Variants in CRPPA observed in about 807,000 individuals in gnomAD.
The protein encoded by CRPPA is CDP-L-ribitol pyrophosphorylase A.
CRPPA carries 43 observed loss-of-function variants against 52.0 expected under a neutral mutation model. The observed-to-expected ratio is 0.83, with a 90% CI of 0.65 to 1.07. The LOEUF (loss-of-function observed/expected upper bound fraction) is 1.07, where lower values mean the gene tolerates loss of function less well. Ranked by LOEUF, CRPPA falls within the 50% of genes least tolerant of loss-of-function variation. The probability of loss-of-function intolerance (pLI) is 0.00; values close to 1 mark genes in which losing one functional copy is unlikely to be tolerated. For synonymous variants in CRPPA, 250 were observed against 203.5 expected, an observed-to-expected ratio of 1.23 and a Z score of -1.94; for missense variants, 629 against 551.7, an observed-to-expected ratio of 1.14 and a Z score of -1.40.
At chr7:16,384,805 T>C (rs568107647) in intron 2 of CRPPA, among the ~76,000 whole-genome samples, 5 of 151,212 alleles carry the variant, frequency 3.3e-5, no homozygotes, top group African/African-American at 1.2e-4. Context: ...CCTCCAGGGA[T>C]GGGGTGGGAG....
At chr7:16,126,817 CATGA>C (rs1195468968) in intron 9 of CRPPA, among the ~76,000 whole-genome samples, 1 of 152,032 alleles carries the variant, frequency 6.6e-6, no homozygotes, top group Non-Finnish European at 1.5e-5. Context: ...TGATAACTTA[CATGA>C]TGTGCTTATG....
chr7:16,307,992 T>G (rs925273917), intron 4 of CRPPA, among the ~76,000 whole-genome samples: 19 of 151,486 alleles, frequency 1.3e-4, no homozygotes, highest in African/African-American at 4.4e-4. Context: ...AATTGTAAGC[T>G]CTAACCATGG....
intron 8 of CRPPA, among the ~76,000 whole-genome samples, chr7:16,226,638 C>G (rs1782658371): frequency 6.6e-6 from 1 of 151,802 alleles, no homozygotes; most frequent in Non-Finnish European, 1.5e-5. Context: ...GTCATAGCCT[C>G]AGTTAGATAG....
intron 3 of CRPPA, among the ~76,000 whole-genome samples, chr7:16,367,649 A>G (rs902089362): frequency 6.6e-6 from 1 of 152,206 alleles, no homozygotes; most frequent in Admixed American, 6.5e-5. Flanking sequence ...TGACAGTACG[A>G]GATACAAGTC....
chr7:16,308,704 C>G lies in CRPPA; in HGVS notation c.685-77G>C, dbSNP rs1321262526. ...AAAACCAAGCCTTTTATTTCATAAT[C>G]CATTGCAAACAAAGGAAGGGCCTAG... On this transcript the variant is annotated intron_variant, in intron 3 of 9. Transcript: ENST00000407010. 2.5e-4 allele frequency: 216 copies of G among 866,992 alleles called. 2 individuals carry two copies. Among genetic ancestry groups the G allele is most frequent in the Non-Finnish European group, 1.9e-5 (10 of 528,064 alleles). 53.7% of individuals were successfully genotyped at this position (866,992 alleles called of 1,614,324 possible). A position where few individuals can be genotyped will look rare whatever the true frequency, so the allele number is the denominator to read the frequency against.
Position 16,332,059 on chromosome 7 carries a change from G to T in CRPPA, c.685-23432C>A, listed in dbSNP as rs546805032. Among the ~76,000 whole-genome samples, 14 of 152,232 alleles carry T rather than the reference G, an allele frequency of 9.2e-5. No individual in the cohort carries two copies. In the South Asian group the frequency reaches 2.9e-3, roughly 32 times the overall value. ...ATTATACTCAAACTACAGAAAATCAGAAAGAAGCCAGGGGAATCAACACCT... is the reference window on the plus strand; with the variant it reads ...ATTATACTCAAACTACAGAAAATCATAAAGAAGCCAGGGGAATCAACACCT... On this transcript the variant is annotated intron_variant, in intron 3 of 9. Transcript: ENST00000407010.
At chr7:16,400,692 C>G (rs2128317397) in intron 2 of CRPPA, among the ~76,000 whole-genome samples, 2 of 152,300 alleles carry the variant, frequency 1.3e-5, no homozygotes, top group Middle Eastern at 3.4e-3. Flanking sequence ...ACATAACCAA[C>G]TCGTGTATGA....
intron 2 of CRPPA, among the ~76,000 whole-genome samples, chr7:16,402,572 C>T (rs183013996): frequency 1.8e-4 from 27 of 152,068 alleles, no homozygotes; most frequent in African/African-American, 6.5e-4. Flanking sequence ...ATGTTCAGAG[C>T]TTAAAAGGCA....
chr7:16,231,928 A>G (rs913561575), intron 8 of CRPPA, among the ~76,000 whole-genome samples: 1 of 152,220 alleles, frequency 6.6e-6, no homozygotes, highest in African/African-American at 2.4e-5. Flanking sequence ...GTTTCAGGAC[A>G]TGGTACATGG....
At chr7:16,305,069 T>C (rs952471957) in intron 4 of CRPPA, among the ~76,000 whole-genome samples, 1 of 152,182 alleles carries the variant, frequency 6.6e-6, no homozygotes, top group African/African-American at 2.4e-5. Context: ...ATAAACTCCA[T>C]TGTTGTGTAA....
intron 6 of CRPPA, among the ~76,000 whole-genome samples, chr7:16,267,782 T>C (rs1783991907): frequency 6.6e-6 from 1 of 152,174 alleles, no homozygotes; most frequent in Non-Finnish European, 1.5e-5. Context: ...CAGAATCTGT[T>C]GGTTCCACAG....
chr7:16,111,079 ACAAAG>A (rs750673435), intron 9 of CRPPA, among the ~76,000 whole-genome samples: 2 of 152,138 alleles, frequency 1.3e-5, no homozygotes, highest in Non-Finnish European at 2.9e-5. Context: ...TGGCAAGAAA[ACAAAG>A]CAAACAATTA....
At chr7:16,390,286 T>C (rs1787408960) in intron 2 of CRPPA, among the ~76,000 whole-genome samples, 1 of 152,108 alleles carries the variant, frequency 6.6e-6, no homozygotes. Flanking sequence ...TTTCGATATA[T>C]ATCTTCTTCC....
chr7:16,191,015 T>A (rs1258986044), intron 9 of CRPPA, among the ~76,000 whole-genome samples: 1 of 152,150 alleles, frequency 6.6e-6, no homozygotes, highest in Admixed American at 6.6e-5. Context: ...CACATTTTCT[T>A]TACCCACTCA....
chr7:16,386,520 T>C (rs112805420), intron 2 of CRPPA, among the ~76,000 whole-genome samples: 20 of 152,324 alleles, frequency 1.3e-4, no homozygotes, highest in African/African-American at 4.8e-4. Context: ...CCTATCTGTA[T>C]AAATTATATT....
chr7:16,272,905 T>C (rs991432199), intron 6 of CRPPA, among the ~76,000 whole-genome samples: 2 of 152,092 alleles, frequency 1.3e-5, no homozygotes, highest in Non-Finnish European at 2.9e-5. Flanking sequence ...GGTTATTTTT[T>C]TTCCATTTAT....
chr7:16,330,151 A>C (rs1785514482), intron 3 of CRPPA, among the ~76,000 whole-genome samples: 1 of 152,226 alleles, frequency 6.6e-6, no homozygotes, highest in South Asian at 2.1e-4. Flanking sequence ...GAGACTGTGC[A>C]AAACAATTAG....
At chr7:16,150,542 A>G (rs916664285) in intron 9 of CRPPA, among the ~76,000 whole-genome samples, 2 of 152,228 alleles carry the variant, frequency 1.3e-5, no homozygotes, top group East Asian at 1.9e-4. Flanking sequence ...AAAATGTGAT[A>G]TGAAACAGGA....
intron 9 of CRPPA, among the ~76,000 whole-genome samples, chr7:16,192,457 A>G (rs1781634996): frequency 6.6e-6 from 1 of 152,122 alleles, no homozygotes; most frequent in Non-Finnish European, 1.5e-5. Context: ...TACAAATTGC[A>G]CATTTCAAGT....
Sources: allele counts gnomAD v4.1 joint callset (sites outside exome capture counted in the v4.1 genomes callset), GRCh38; gene constraint gnomAD v4.1.1; transcripts MANE v1.5; gene names NCBI Gene and HGNC (gene_info 2026-07-23, HGNC 2026-07-21).